The following PLXND1 variants were observed in gnomAD, a reference collection of about 807,000 sequenced individuals.
PLXND1 encodes plexin D1, also known as plexin-D1.
PLXND1 carries 54 observed loss-of-function variants against 197.7 expected under a neutral mutation model. The observed-to-expected ratio is 0.27, with a 90% CI of 0.22 to 0.34. PLXND1 has a LOEUF of 0.34. Ranked by LOEUF, PLXND1 falls within the 10% of genes least tolerant of loss-of-function variation. The pLI, the probability that PLXND1 is intolerant of heterozygous loss-of-function variation, is 1.00. For missense variants in PLXND1, 2,127 were observed against 2,699.2 expected, an observed-to-expected ratio of 0.79 and a Z score of 4.70; for synonymous variants, 1,180 against 1,161.2, an observed-to-expected ratio of 1.02 and a Z score of -0.33.
Position 129,605,656 on chromosome 3 carries a change from G to T in PLXND1, c.984C>A (p.Gly328=). 1 of 1,536,472 alleles carries T rather than the reference G, an allele frequency of 6.5e-7. No homozygotes were observed. Residue 328 remains glycine (G), a synonymous_variant, in exon 1 of 36, where the codon GGC becomes GGA. Coordinates refer to ENST00000324093, the MANE Select transcript of PLXND1 (RefSeq NM_015103.3). ...LARICLPHGA[G]GDAKKLTESY... ...ACTCGGTGAGCTTCTTGGCGTCGCC[G>T]CCGGCGCCGTGGGGCAGGCAGATGC... is the stretch of plus-strand genomic sequence containing the variant.
intron 9 of PLXND1, among the ~76,000 whole-genome samples, chr3:129,578,008 G>C (rs1293273122): frequency 1.3e-5 from 2 of 152,186 alleles, no homozygotes; most frequent in Non-Finnish European, 2.9e-5. Flanking sequence ...GACAGGATAG[G>C]GCAGCGTCCA....
chr3:129,562,788 A>G lies in PLXND1; in HGVS notation c.4824T>C (p.Leu1608=). 6.3e-7 allele frequency: 1 copy of G among 1,590,496 alleles called. No individual in the cohort carries two copies. Among genetic ancestry groups the G allele is most frequent in the Non-Finnish European group, 8.6e-7 (1 of 1,160,880 alleles). ...SQWPRAEDVD[L]EWFASSTQSY... Reference sequence around the variant, plus strand: ...GTCTCTGCCCCCATTCCCACCCACCAAGGTCGACGTCCTCTGCACGCGGCC... The same window carrying G: ...GTCTCTGCCCCCATTCCCACCCACCGAGGTCGACGTCCTCTGCACGCGGCC... Residue 1608 remains leucine (L), a splice_region_variant and synonymous_variant, in exon 27 of 36, where the codon CTT becomes CTC. Coordinates refer to ENST00000324093, the MANE Select transcript of PLXND1 (RefSeq NM_015103.3).
chr3:129,567,650 C>A (rs1333144772), intron 21 of PLXND1, 46 bp from the exon 22 acceptor site: 1 of 1,581,612 alleles, frequency 6.3e-7, no homozygotes, highest in Admixed American at 1.7e-5. Context: ...AACCCATCCC[C>A]TAGGAGGGAA....
chr3:129,599,794 T>C (rs2085681056), intron 1 of PLXND1, among the ~76,000 whole-genome samples: 1 of 152,170 alleles, frequency 6.6e-6, no homozygotes, highest in African/African-American at 2.4e-5. Context: ...GAGGGGGAAC[T>C]GCAGAATTCC....
In PLXND1 at chr3:129,565,337, C is replaced by T. The variant is rs1000402923; in HGVS notation, c.4521+3G>A. The T allele has an allele frequency of 6.2e-7, 1 of 1,613,134 alleles. No individual in the cohort carries two copies. ...GGCTCTGTCTGTCCCCAGGCAGCCT[C>T]ACCCGCAGACAGCTGTACATGCAGA... is the stretch of plus-strand genomic sequence containing the variant. On this transcript the variant is annotated splice_donor_region_variant and intron_variant, in intron 25 of 35. Coordinates refer to ENST00000324093, the MANE Select transcript of PLXND1 (RefSeq NM_015103.3).
At chr3:129,590,891 G>A (rs2085530786) in intron 1 of PLXND1, among the ~76,000 whole-genome samples, 1 of 152,236 alleles carries the variant, frequency 6.6e-6, no homozygotes, top group South Asian at 2.1e-4. Context: ...AGGACTCAGG[G>A]AGGTCACCGG....
At chr3:129,571,398 G>T in intron 17 of PLXND1, 95 bp from the exon 18 acceptor site, 1 of 1,531,560 alleles carries the variant, frequency 6.5e-7, no homozygotes, top group Non-Finnish European at 9.0e-7. Flanking sequence ...AGACACAGAG[G>T]CAGAGGGAGG....
intron 12 of PLXND1, 54 bp downstream of exon 12, chr3:129,574,282 C>A (rs1035309103): frequency 1.2e-5 from 18 of 1,505,646 alleles, no homozygotes; most frequent in Non-Finnish European, 1.5e-5. Flanking sequence ...GAGGGCACTG[C>A]GCATGCGCCG....
intron 8 of PLXND1, among the ~76,000 whole-genome samples, chr3:129,579,053 CA>C (rs2085352659): frequency 6.6e-6 from 1 of 152,170 alleles, no homozygotes; most frequent in South Asian, 2.1e-4. Flanking sequence ...CAGATACTCC[CA>C]GGAAGGGCCC....
At chr3:129,576,150 T>A (rs1300144236) in intron 9 of PLXND1, among the ~76,000 whole-genome samples, 3 of 152,162 alleles carry the variant, frequency 2.0e-5, no homozygotes, top group African/African-American at 7.2e-5. Context: ...TGTATTCAGC[T>A]CCTAAGGCTC....
chr3:129,584,530 G>A lies in PLXND1; in HGVS notation c.1884C>T (p.Pro628=), dbSNP rs753680012. ...GMILQISGSL[P]SLSGMEMACD... is the part of the protein sequence containing the mutation. ...AGGCCATCTCCATGCCACTGAGGCT[G>A]GGCAGGCTGCCCGAGATCTGCAGGA... is the stretch of plus-strand genomic sequence containing the variant. The change falls in exon 6 of 36, where the codon CCC becomes CCT. Residue 628 remains proline, a synonymous_variant. Transcript: ENST00000324093. 4.3e-6 allele frequency: 7 copies of A among 1,612,194 alleles called. No homozygotes were observed. The African/African-American group carries it at 9.3e-5, about 22-fold the overall frequency.
intron 1 of PLXND1, among the ~76,000 whole-genome samples, chr3:129,601,679 C>T (rs931639382): frequency 4.6e-5 from 7 of 152,182 alleles, no homozygotes; most frequent in African/African-American, 1.7e-4. Context: ...CCAGAGGTAC[C>T]CCATCACATG....
At chr3:129,572,544 C>T in intron 15 of PLXND1, 65 bp downstream of exon 15, 1 of 1,374,756 alleles carries the variant, frequency 7.3e-7, no homozygotes, top group South Asian at 1.7e-5. Context: ...CACCTCCAGC[C>T]CGCCAGCCCC....
chr3:129,595,549 C>T lies in PLXND1; in HGVS notation c.1312-6022G>A, dbSNP rs540266253. The stretch of plus-strand genomic sequence containing the variant: ...AGAGGAAAAGCAGCCTGGAGGAGCA[C>T]GTTGGAGAAACCAAGGCACAGAGAA... On this transcript the variant is annotated intron_variant, in intron 1 of 35. Coordinates refer to ENST00000324093, the MANE Select transcript of PLXND1 (RefSeq NM_015103.3). Among the ~76,000 whole-genome samples, 22 of 152,306 alleles carry T rather than the reference C, an allele frequency of 1.4e-4. 1 individual carries two copies. The highest frequency in any genetic ancestry group is 5.9e-5 in the Non-Finnish European group (4 of 68,018).
intron 1 of PLXND1, among the ~76,000 whole-genome samples, chr3:129,592,763 C>T (rs1470350675): frequency 4.6e-5 from 7 of 152,166 alleles, no homozygotes; most frequent in Admixed American, 2.0e-4. Context: ...TCGGCTGCTC[C>T]GAATGATCTG....
chr3:129,604,203 G>A (rs113494131), intron 1 of PLXND1, among the ~76,000 whole-genome samples: 5 of 151,816 alleles, frequency 3.3e-5, no homozygotes, highest in African/African-American at 9.7e-5. Flanking sequence ...ATTCCCCACT[G>A]AGCCCCACGG....
At position 129,557,872 on chromosome 3, in the gene PLXND1, GCCTC is replaced by G. The variant is rs1578300550; in HGVS notation, c.5445+552_5445+555del. On this transcript the variant is annotated intron_variant, in intron 33 of 35. Transcript: ENST00000324093. This position sits in a 1 kb window ranked among gnomAD's most constrained non-coding sequence, Gnocchi z 4.8. Reference sequence around the variant, plus strand: ...GCTCACAGCAACCGGCTGCTTTCCTGCCTCCCTGTCTTTGCCTGCGCCGTTCTCT... The same window carrying G: ...GCTCACAGCAACCGGCTGCTTTCCTGCCTGTCTTTGCCTGCGCCGTTCTCT... Among the ~76,000 whole-genome samples the G allele has an allele frequency of 6.6e-6, 1 of 152,160 alleles. No individual in the cohort carries two copies. Among genetic ancestry groups the G allele is most frequent in the East Asian group, 1.9e-4 (1 of 5,198 alleles).
At chr3:129,560,995 G>A (rs1326190651) in intron 29 of PLXND1, 6 of 591,336 alleles carry the variant, frequency 1.0e-5, no homozygotes, top group East Asian at 3.8e-5. Context: ...GACACACAGC[G>A]AGCGAGACAG....
chr3:129,571,758 C>G lies in PLXND1; in HGVS notation c.3164G>C (p.Gly1055Ala), dbSNP rs144636545. Residue 1055 changes from glycine to alanine, a missense_variant, in exon 16 of 36, where the codon GGC (glycine) becomes GCC (alanine). By Grantham distance (60) the Gly-to-Ala change is moderately conservative. Transcript: ENST00000324093. ...VPVCVRFERR[G>A]CVHGNLTFWY... ...GAAGGTGAGGTTGCCGTGCACGCAG[C>G]CCCGACGCTCGAAGCGCACACACAC... The G allele has an allele frequency of 4.8e-5, 78 of 1,613,358 alleles. No individual in the cohort carries two copies. The East Asian group carries it at 1.7e-3, about 35-fold the overall frequency.
Sources: gnomAD v4.1 joint callset for allele counts (sites outside exome capture counted in the v4.1 genomes callset) on GRCh38, gnomAD v4.1.1 for gene constraint, Gnocchi (gnomAD v3.1) non-coding constraint, MANE v1.5 for transcripts, NCBI Gene and HGNC (gene_info 2026-07-23, HGNC 2026-07-21) for gene names.